The following LNX1 variants were observed in gnomAD, a reference collection of about 807,000 sequenced individuals.
The protein encoded by LNX1 is ligand of numb-protein X 1.
LNX1 carries 54 observed loss-of-function variants against 68.4 expected under a neutral mutation model. The ratio of observed to expected loss-of-function variants is 0.79; its 90% confidence interval spans 0.63 to 0.99. LNX1 has a LOEUF of 0.99. Ranked by LOEUF, LNX1 falls within the 50% of genes least tolerant of loss-of-function variation. The pLI is 0.00. For synonymous variants in LNX1, 336 were observed against 350.0 expected, an observed-to-expected ratio of 0.96 and a Z score of 0.45; for missense variants, 906 against 926.4, an observed-to-expected ratio of 0.98 and a Z score of 0.29.
At position 53,460,687 on chromosome 4, in the gene LNX1, T is replaced by C; in HGVS notation, c.*220A>G. On this transcript the variant is annotated 3_prime_UTR_variant, in exon 11 of 11. Coordinates refer to ENST00000263925, the MANE Select transcript of LNX1 (RefSeq NM_001126328.3). ...AAAAAATATAAACAATGTTGTAGAG[T>C]AATGAGAAATCCTCCACACTGAAAA... The C allele has an allele frequency of 2.1e-6, 1 of 485,690 alleles. No individual in the cohort carries two copies. Among genetic ancestry groups the C allele is most frequent in the East Asian group, 3.7e-5 (1 of 26,916 alleles). The allele number at this position is 485,690 out of a possible 1,614,324, so 30.1% of individuals were successfully genotyped here.
chr4:53,515,307 T>C (rs1392620059), intron 2 of LNX1, among the ~76,000 whole-genome samples: 2 of 152,212 alleles, frequency 1.3e-5, no homozygotes, highest in Non-Finnish European at 2.9e-5. Flanking sequence ...ACAGTAAACA[T>C]TTCTTGAATT....
intron 2 of LNX1, among the ~76,000 whole-genome samples, chr4:53,564,691 G>A (rs1034903649): frequency 6.6e-6 from 1 of 151,994 alleles, no homozygotes; most frequent in South Asian, 2.1e-4. Flanking sequence ...CAGCCTGAGC[G>A]ACACAGAAGA....
At position 53,580,639 on chromosome 4, in the gene LNX1, T is replaced by C. The variant is rs112637802; in HGVS notation, c.-86-6551A>G. 8.9e-3 allele frequency among the ~76,000 whole-genome samples: 1,357 copies of C among 152,156 alleles called. 19 individuals are homozygous for C. The highest frequency in any genetic ancestry group is 0.026 in the African/African-American group (1,074 of 41,514). On this transcript the variant is annotated intron_variant, in intron 1 of 10. Transcript: ENST00000263925. ...GAGTAAAAAGGTAGAAATGAAGAAG[T>C]TTTTAAAAACAAAAGCAATGGCTAT... is the stretch of plus-strand genomic sequence containing the variant.
At position 53,461,626 on chromosome 4, in the gene LNX1, T is replaced by G. The variant is rs762528457; in HGVS notation, c.1893-33A>C. ...AGAATGTAATCAGTGTACATGCATA[T>G]TTAAGTTTCACAGTTAAGGGAATAC... On this transcript the variant is annotated intron_variant, in intron 9 of 10. Transcript: ENST00000263925. 6.5e-6 allele frequency: 10 copies of G among 1,543,586 alleles called. No individual in the cohort carries two copies. The East Asian group carries it at 2.3e-4, about 35-fold the overall frequency.
chr4:53,526,426 T>G (rs371407184), intron 2 of LNX1, among the ~76,000 whole-genome samples: 1 of 151,378 alleles, frequency 6.6e-6, no homozygotes. Context: ...AACCAACAAA[T>G]GCAACTTAGT....
intron 6 of LNX1, among the ~76,000 whole-genome samples, chr4:53,482,499 T>C (rs1724013272): frequency 1.3e-5 from 2 of 152,196 alleles, no homozygotes; most frequent in South Asian, 4.1e-4. Context: ...ATGTGGTATG[T>C]ATATACCATG....
rs151307935 is a variant in LNX1, at chr4:53,476,902, T to G, written c.1743A>C (p.Thr581=). The change falls in exon 9 of 11, where the codon ACA becomes ACC. Residue 581 remains threonine (T), a synonymous_variant. Transcript: ENST00000263925. ...RSEAVALLKR[T]SSSIVLKALE... is the part of the protein sequence containing the mutation. ...AAGCTTTGAGTACTATCGAGGATGA[T>G]GTTCTTTTCAATAATGCCACTGCCT... The G allele has an allele frequency of 1.3e-4, 209 of 1,614,078 alleles. No homozygotes were observed. The highest frequency in any genetic ancestry group is 1.7e-4 in the Non-Finnish European group (196 of 1,180,048).
At chr4:53,631,423 A>G (rs779478850) in intron 1 of LNX1, among the ~76,000 whole-genome samples, 1 of 152,190 alleles carries the variant, frequency 6.6e-6, no homozygotes, top group Non-Finnish European at 1.5e-5. Context: ...GTTCCACTTT[A>G]CATTTGATAG....
intron 2 of LNX1, among the ~76,000 whole-genome samples, chr4:53,515,813 G>C (rs758160664): frequency 2.6e-5 from 4 of 152,216 alleles, no homozygotes; most frequent in Non-Finnish European, 2.9e-5. Flanking sequence ...ATCTGGATGT[G>C]AATCCCAGAT....
chr4:53,569,299 T>C (rs1227664732), intron 2 of LNX1, among the ~76,000 whole-genome samples: 2 of 147,366 alleles, frequency 1.4e-5, no homozygotes, highest in Non-Finnish European at 3.0e-5. Context: ...AGCATGGTAC[T>C]GGTACCAAAA....
At chr4:53,631,919 T>C (rs1734290911) in intron 1 of LNX1, among the ~76,000 whole-genome samples, 1 of 151,994 alleles carries the variant, frequency 6.6e-6, no homozygotes, top group African/African-American at 2.4e-5. Context: ...AGTTGTTAGA[T>C]GTTTGAAAAT....
chr4:53,567,257 T>G (rs2109758409), intron 2 of LNX1, among the ~76,000 whole-genome samples: 1 of 146,886 alleles, frequency 6.8e-6, no homozygotes, highest in South Asian at 2.3e-4. Context: ...AAAGCTCTCC[T>G]CAGCAAATGT....
At chr4:53,643,502 G>T (rs1297424721) in intron 1 of LNX1, among the ~76,000 whole-genome samples, 2 of 152,098 alleles carry the variant, frequency 1.3e-5, no homozygotes, top group Admixed American at 1.3e-4. Context: ...TGGACAGAGG[G>T]TGGCTGATGT....
intron 2 of LNX1, among the ~76,000 whole-genome samples, chr4:53,571,712 G>C (rs1731184269): frequency 6.6e-6 from 1 of 151,874 alleles, no homozygotes; most frequent in Non-Finnish European, 1.5e-5. Context: ...ACTTAGGCTG[G>C]AGTGCAGTAG....
At chr4:53,546,690 A>C (rs1171659232) in intron 2 of LNX1, among the ~76,000 whole-genome samples, 3 of 152,166 alleles carry the variant, frequency 2.0e-5, no homozygotes, top group Non-Finnish European at 4.4e-5. Flanking sequence ...GTTCTGGGCC[A>C]CAGACACCAC....
At chr4:53,553,375 C>T (rs1426964421) in intron 2 of LNX1, among the ~76,000 whole-genome samples, 6 of 152,082 alleles carry the variant, frequency 3.9e-5, no homozygotes, top group Non-Finnish European at 8.8e-5. Flanking sequence ...AATGGATGGG[C>T]CCCCTCTCCC....
intron 1 of LNX1, among the ~76,000 whole-genome samples, chr4:53,631,529 CT>C (rs1226487521): frequency 6.6e-6 from 1 of 152,276 alleles, no homozygotes; most frequent in East Asian, 1.9e-4. Context: ...CCAAATCTCC[CT>C]AACTTGATAT....
At chr4:53,492,180 G>A (rs909437585) in intron 6 of LNX1, among the ~76,000 whole-genome samples, 1 of 152,080 alleles carries the variant, frequency 6.6e-6, no homozygotes, top group African/African-American at 2.4e-5. Context: ...GAGCAGAAAT[G>A]GACACAATTC....
rs551716719 is a variant in LNX1 at position 53,545,224 on chromosome 4, A to G, written c.380+28399T>C. On this transcript the variant is annotated intron_variant, in intron 2 of 10. Coordinates refer to ENST00000263925, the MANE Select transcript of LNX1 (RefSeq NM_001126328.3). ...TGCCTACTTCAATGGGAAAATAGTT[A>G]TACAAACTAGGAACTGCCATCTTCA... Among the ~76,000 whole-genome samples, 3 of 152,240 alleles carry G rather than the reference A, an allele frequency of 2.0e-5. No homozygotes were observed. The East Asian group carries it at 5.8e-4, about 29-fold the overall frequency.
Sources: gnomAD v4.1 joint callset for allele counts (sites outside exome capture counted in the v4.1 genomes callset) on GRCh38, gnomAD v4.1.1 for gene constraint, MANE v1.5 for transcripts, NCBI Gene and HGNC (gene_info 2026-07-23, HGNC 2026-07-21) for gene names.